Variants in RAPH1 observed in about 807,000 individuals in gnomAD.
RAPH1 encodes Ras association (RalGDS/AF-6) and pleckstrin homology domains 1.
A neutral mutation model predicts 88.1 loss-of-function variants in RAPH1; 18 were observed. That is an observed-to-expected ratio of 0.20 (90% CI 0.14 to 0.30). RAPH1 has a LOEUF of 0.30. RAPH1 is among the 10% of genes least tolerant of loss of function. The pLI, the probability that RAPH1 is intolerant of heterozygous loss-of-function variation, is 1.00. For missense variants in RAPH1, 1,448 were observed against 1,543.2 expected (o/e 0.94, Z 1.03); for synonymous variants, 587 against 559.0 (o/e 1.05, Z -0.71).
intron 10 of RAPH1, among the ~76,000 whole-genome samples, chr2:203,453,106 G>A (rs1328380973): frequency 6.6e-6 from 1 of 152,164 alleles, no homozygotes; most frequent in Non-Finnish European, 1.5e-5. Context: ...CATGGTCTTA[G>A]GGACTGACTC....
chr2:203,462,514 T>C (rs2098524944), intron 4 of RAPH1, among the ~76,000 whole-genome samples: 1 of 152,222 alleles, frequency 6.6e-6, no homozygotes, highest in Non-Finnish European at 1.5e-5. Context: ...ATTGCGTAAG[T>C]TTCACTCTGC....
In RAPH1 at chr2:203,459,926, G is replaced by A. The variant is rs748510358; in HGVS notation, c.1073C>T (p.Ala358Val). 1.2e-5 allele frequency: 19 copies of A among 1,612,530 alleles called. No individual in the cohort carries two copies. In the South Asian group the frequency reaches 2.1e-4, roughly 18 times the overall value. The change falls in exon 7 of 14, where the codon GCA becomes GTA. Residue 358 changes from alanine to valine, a missense_variant. Physicochemically the swap from Ala to Val is moderately conservative, Grantham distance 64. Coordinates refer to ENST00000319170, the MANE Select transcript of RAPH1 (RefSeq NM_213589.3). ...TCTTACCTGTGGGTTTTTGAAAAGT[G>A]CATATTTTTCTATACGCTCCATAAA... ...LIFMERIEKY[A>V]LFKNPQNYLL...
chr2:203,483,144 C>CTATAGCCCATGG (rs1687805180), intron 4 of RAPH1, among the ~76,000 whole-genome samples: 3 of 152,222 alleles, frequency 2.0e-5, no homozygotes, highest in African/African-American at 7.2e-5. Context: ...GGGGTTTGGG[C>CTATAGCCCATGG]TATACCATGA....
intron 1 of RAPH1, among the ~76,000 whole-genome samples, chr2:203,514,015 G>A (rs1689486296): frequency 6.6e-6 from 1 of 151,774 alleles, no homozygotes; most frequent in Non-Finnish European, 1.5e-5. Flanking sequence ...GCTAATTTTT[G>A]TATTTTTAAT....
rs972791211 is a variant in RAPH1 at position 203,436,745 on chromosome 2, A to C, written c.*2692T>G. 6.6e-6 allele frequency: 1 copy of C among 152,268 alleles called. No individual in the cohort carries two copies. Among genetic ancestry groups the C allele is most frequent in the Non-Finnish European group, 1.5e-5 (1 of 68,078 alleles). 9.4% of individuals were successfully genotyped at this position (152,268 alleles called of 1,614,324 possible). The stretch of plus-strand genomic sequence containing the variant: ...CTGCAGAGCAGAGGGCAGTGAAAGA[A>C]GGCACAGTACTAGTGTCGTGCGGCA... On this transcript the variant is annotated 3_prime_UTR_variant, in exon 14 of 14. Transcript: ENST00000319170.
In RAPH1 at chr2:203,461,480, C is replaced by G. The variant is rs2098524180; in HGVS notation, c.811-72G>C. The G allele has an allele frequency of 4.4e-6, 5 of 1,140,344 alleles. No homozygotes were observed. In the South Asian group the frequency reaches 9.3e-5, roughly 21 times the overall value. 70.6% of individuals were successfully genotyped at this position (1,140,344 alleles called of 1,614,324 possible). On this transcript the variant is annotated intron_variant, in intron 5 of 13. Coordinates refer to ENST00000319170, the MANE Select transcript of RAPH1 (RefSeq NM_213589.3). ...TCTAGGAAAGGCACTGATCCAATAT[C>G]AAATAAAATTTGGATTAATGTATTT...
At chr2:203,502,814 C>T (rs1419625718) in intron 1 of RAPH1, among the ~76,000 whole-genome samples, 13 of 142,816 alleles carry the variant, frequency 9.1e-5, no homozygotes, top group South Asian at 8.9e-4. Context: ...AGTGAGACTC[C>T]GTCCCAAAAA....
intron 4 of RAPH1, among the ~76,000 whole-genome samples, chr2:203,479,346 G>A (rs1320045328): frequency 6.6e-6 from 1 of 152,196 alleles, no homozygotes; most frequent in Non-Finnish European, 1.5e-5. Context: ...GCTCACGCCT[G>A]TAATCCCAGC....
intron 1 of RAPH1, among the ~76,000 whole-genome samples, chr2:203,510,692 A>G (rs1197054834): frequency 6.6e-6 from 1 of 152,014 alleles, no homozygotes; most frequent in African/African-American, 2.4e-5. Context: ...CTGTGACAGC[A>G]CACCTCAGCT....
At chr2:203,460,762 C>T (rs1169376761) in intron 6 of RAPH1, among the ~76,000 whole-genome samples, 1 of 151,700 alleles carries the variant, frequency 6.6e-6, no homozygotes, top group Non-Finnish European at 1.5e-5. Flanking sequence ...ACTCTTAAAA[C>T]ACTTCAGAAA....
chr2:203,494,017 A>T (rs2259757), intron 2 of RAPH1, among the ~76,000 whole-genome samples: 126,125 of 130,576 alleles, frequency 0.97, 60,888 homozygotes, highest in East Asian at 0.99. Flanking sequence ...AAAAAAAAAA[A>T]TCCCCCCAAA....
At chr2:203,471,029 T>A (rs2098532638) in intron 4 of RAPH1, among the ~76,000 whole-genome samples, 1 of 152,208 alleles carries the variant, frequency 6.6e-6, no homozygotes, top group Admixed American at 6.5e-5. Flanking sequence ...AATGGCATGG[T>A]CCCTATCATT....
At chr2:203,470,198 C>T (rs1333617377) in intron 4 of RAPH1, 1 of 1,300,626 alleles carries the variant, frequency 7.7e-7, no homozygotes, top group Admixed American at 1.9e-5. Context: ...ATTCTACCTA[C>T]AAGGCAGTAA....
chr2:203,480,876 T>C (rs1355683370), intron 4 of RAPH1, among the ~76,000 whole-genome samples: 2 of 152,210 alleles, frequency 1.3e-5, no homozygotes, highest in African/African-American at 4.8e-5. Context: ...TGGCCATTTA[T>C]TGGCAAGGTG....
At position 203,489,719 on chromosome 2, in the gene RAPH1, A is replaced by G; in HGVS notation, c.597T>C (p.Ala199=). The G allele has an allele frequency of 6.2e-7, 1 of 1,614,198 alleles. No individual in the cohort carries two copies. Among genetic ancestry groups the G allele is most frequent in the Non-Finnish European group, 8.5e-7 (1 of 1,180,030 alleles). ...AGGAATTACTAATAGAGTGTACTTCAGCATCACTCACTGTGCCTGCTGACG... is the reference window on the plus strand; with the variant it reads ...AGGAATTACTAATAGAGTGTACTTCGGCATCACTCACTGTGCCTGCTGACG... ...RTASAGTVSD[A]EVHSISNSSH... Residue 199 remains alanine, a synonymous_variant, in exon 4 of 14, where the codon GCT becomes GCC. Transcript: ENST00000319170.
At chr2:203,511,215 T>C (rs1469553802) in intron 1 of RAPH1, among the ~76,000 whole-genome samples, 1 of 152,092 alleles carries the variant, frequency 6.6e-6, no homozygotes, top group Non-Finnish European at 1.5e-5. Context: ...TTTCGACTTT[T>C]TTCTGCCAAG....
chr2:203,509,746 G>A (rs1357139617), intron 1 of RAPH1, among the ~76,000 whole-genome samples: 1 of 152,162 alleles, frequency 6.6e-6, no homozygotes, highest in Non-Finnish European at 1.5e-5. Flanking sequence ...GGCCTGGTGT[G>A]AGGTGATTGG....
rs1485388990 is a variant in RAPH1 at position 203,440,785 on chromosome 2, G to T, written c.2405C>A (p.Ala802Glu). 4 of 1,610,292 alleles carry T rather than the reference G, an allele frequency of 2.5e-6. No individual in the cohort carries two copies. Among genetic ancestry groups the T allele is most frequent in the Non-Finnish European group, 3.4e-6 (4 of 1,178,950 alleles). ...KTVAPVVTQA[A>E]PPTPTPPVPP... The stretch of plus-strand genomic sequence containing the variant: ...CACTGGAGGAGTAGGTGTGGGTGGT[G>T]CAGCTTGAGTCACAACAGGTGCCAC... Residue 802 changes from alanine (A) to glutamate (E), a missense_variant, in exon 14 of 14, where the codon GCA becomes GAA. Physicochemically the swap from Ala to Glu is moderately radical, Grantham distance 107. Around this residue, in one of 2 missense-constraint regions of RAPH1, gnomAD observed 935 missense variants for 890.1 expected, o/e 1.05. Transcript: ENST00000319170.
rs1393099826 is a variant in RAPH1, at chr2:203,506,828, ATATCTATATCTATATATC to A, written c.1-11493_1-11476del. ...TATCTATATCTATATATCTATATAT[ATATCTATATCTATATATC>A]TATCTATATCTATATATATATATAT... On this transcript the variant is annotated intron_variant, in intron 1 of 13. Coordinates refer to ENST00000319170, the MANE Select transcript of RAPH1 (RefSeq NM_213589.3). Among the ~76,000 whole-genome samples the A allele has an allele frequency of 1.4e-4, 3 of 20,832 alleles. 1 individual carries two copies. Among genetic ancestry groups the A allele is most frequent in the African/African-American group, 4.8e-4 (3 of 6,224 alleles). The allele number at this position is 20,832 out of a possible 152,430, so 13.7% of individuals were successfully genotyped here. A position where few individuals can be genotyped will look rare whatever the true frequency, so the allele number is the denominator to read the frequency against.
Sources: allele counts gnomAD v4.1 joint callset (sites outside exome capture counted in the v4.1 genomes callset), GRCh38; gene constraint gnomAD v4.1.1; regional missense constraint gnomAD v4.1.1; transcripts MANE v1.5; gene names NCBI Gene and HGNC (gene_info 2026-07-23, HGNC 2026-07-21).